LRRC71: variants seen among roughly 807,000 people sequenced by gnomAD.
LRRC71 encodes the protein leucine rich repeat containing 71.
LRRC71 carries 54 observed loss-of-function variants against 66.6 expected under a neutral mutation model. That is an observed-to-expected ratio of 0.81 (90% CI 0.65 to 1.02). The LOEUF is 1.02. Ranked by LOEUF, LRRC71 falls within the 50% of genes least tolerant of loss-of-function variation. LRRC71 has a pLI of 0.00. For synonymous variants in LRRC71, 323 were observed against 303.9 expected, an observed-to-expected ratio of 1.06 and a Z score of -0.65; for missense variants, 724 against 718.0, an observed-to-expected ratio of 1.01 and a Z score of -0.10.
chr1:156,927,140 G>C, intron 5 of LRRC71, 62 bp from the exon 6 acceptor site: 5 of 1,467,506 alleles, frequency 3.4e-6, no homozygotes, highest in Non-Finnish European at 4.7e-6. Flanking sequence ...CTTCCTCTCT[G>C]TTCCCTTCCC....
intron 1 of LRRC71, among the ~76,000 whole-genome samples, chr1:156,923,167 C>T (rs1476428889): frequency 2.0e-5 from 3 of 152,220 alleles, no homozygotes; most frequent in Non-Finnish European, 4.4e-5. Flanking sequence ...TGGCACAGCT[C>T]CTGCAGCACC....
At chr1:156,924,375 G>T in intron 2 of LRRC71, 49 bp from the exon 3 acceptor site, 1 of 1,530,772 alleles carries the variant, frequency 6.5e-7, no homozygotes. Flanking sequence ...GGCCCGGCGT[G>T]GGGCCCTGGA....
chr1:156,936,882 G>A (rs371571688), downstream of LRRC71: 4 of 1,614,052 alleles, frequency 2.5e-6, no homozygotes, highest in Non-Finnish European at 2.5e-6. Context: ...TCCTTAGCGG[G>A]AGGTGAGAGG....
At chr1:156,930,718 C>G in intron 12 of LRRC71, 101 bp downstream of exon 12, 1 of 1,109,114 alleles carries the variant, frequency 9.0e-7, no homozygotes, top group Non-Finnish European at 1.3e-6. Flanking sequence ...GGTCTCCAGC[C>G]CCATGCTGTG....
chr1:156,932,655 T>C, intron 14 of LRRC71, 110 bp downstream of exon 14: 2 of 1,609,732 alleles, frequency 1.2e-6, no homozygotes, highest in Non-Finnish European at 8.5e-7. Flanking sequence ...GGAAGGTCTG[T>C]AGTTTCTCTG....
Position 156,927,126 on chromosome 1 carries a change from C to A in LRRC71, c.594-76C>A, listed in dbSNP as rs1178829185. On this transcript the variant is annotated intron_variant, in intron 5 of 14. Transcript: ENST00000337428. ...ACTTCCTAGCTGCTTCCCAGAGACG[C>A]ACACTTCCTCTCTGTTCCCTTCCCT... The A allele has an allele frequency of 4.6e-6, 6 of 1,302,812 alleles. No individual in the cohort carries two copies. The African/African-American group carries it at 5.9e-5, about 13-fold the overall frequency. The allele number at this position is 1,302,812 out of a possible 1,614,324, so 80.7% of individuals were successfully genotyped here. A position where few individuals can be genotyped will look rare whatever the true frequency, so the allele number is the denominator to read the frequency against.
chr1:156,927,039 AT>A, intron 5 of LRRC71, 162 bp from the exon 6 acceptor site: 1 of 670,540 alleles, frequency 1.5e-6, no homozygotes, highest in Non-Finnish European at 2.5e-6. Context: ...ACATCTGTGA[AT>A]TTTTAGTCTG....
chr1:156,936,480 GAAAAA>G (rs35863393), downstream of LRRC71, among the ~76,000 whole-genome samples: 28 of 48,016 alleles, frequency 5.8e-4, no homozygotes, highest in African/African-American at 2.3e-3. Context: ...CAAATAAATA[GAAAAA>G]AAAAAAAAAA....
chr1:156,920,998 C>G lies in LRRC71; in HGVS notation c.160+35C>G. On this transcript the variant is annotated intron_variant, in intron 1 of 14. Coordinates refer to ENST00000337428, the MANE Select transcript of LRRC71 (RefSeq NM_144702.3). The surrounding 1 kb of genome is among the most constrained non-coding windows in gnomAD (Gnocchi z 4.9). ...CGCCGGGGTTTGGGGATCGGGCTTCCAGGCTGCGTCTTCCCGGGTTCCCAC... is the reference window on the plus strand; with the variant it reads ...CGCCGGGGTTTGGGGATCGGGCTTCGAGGCTGCGTCTTCCCGGGTTCCCAC... 1 of 1,467,020 alleles carries G rather than the reference C, an allele frequency of 6.8e-7. No homozygotes were observed. The highest frequency in any genetic ancestry group is 9.1e-7 in the Non-Finnish European group (1 of 1,102,910). 90.9% of individuals were successfully genotyped at this position (1,467,020 alleles called of 1,614,324 possible).
At chr1:156,936,441 G>A (rs1209221591), downstream of LRRC71, among the ~76,000 whole-genome samples, 9 of 138,682 alleles carry the variant, frequency 6.5e-5, no homozygotes, top group Non-Finnish European at 1.4e-4. Context: ...AGACCAGCCT[G>A]GGCAACATAG....
intron 9 of LRRC71, among the ~76,000 whole-genome samples, chr1:156,928,822 C>T (rs1404200998): frequency 1.3e-5 from 2 of 152,016 alleles, no homozygotes; most frequent in African/African-American, 4.8e-5. Flanking sequence ...CCGCCCACCT[C>T]GGCCTCCTAA....
At chr1:156,930,242 GCCA>G (rs1246816036) in intron 11 of LRRC71, among the ~76,000 whole-genome samples, 5 of 151,602 alleles carry the variant, frequency 3.3e-5, no homozygotes, top group African/African-American at 1.2e-4. Flanking sequence ...ACAGGTGCGT[GCCA>G]CCACGCCCAG....
intron 12 of LRRC71, among the ~76,000 whole-genome samples, chr1:156,931,372 G>GAAAC (rs1654341075): frequency 6.6e-6 from 1 of 152,154 alleles, no homozygotes; most frequent in Non-Finnish European, 1.5e-5. Flanking sequence ...GAAGAGATTG[G>GAAAC]GGTTGCCTTT....
chr1:156,928,073 G>T, intron 9 of LRRC71, 69 bp downstream of exon 9: 2 of 1,435,712 alleles, frequency 1.4e-6, no homozygotes, highest in South Asian at 1.2e-5. Context: ...CCCCAAGTCC[G>T]CTGCTTTTCA....
chr1:156,927,359 C>T lies in LRRC71; in HGVS notation c.662+89C>T, dbSNP rs540967064. On this transcript the variant is annotated intron_variant, in intron 6 of 14. Coordinates refer to ENST00000337428, the MANE Select transcript of LRRC71 (RefSeq NM_144702.3). ...TCCCCGCCCTTCCTTGTCCCCCTAC[C>T]ATCTCGGCAAGGGCCCTCGATTTCT... The T allele has an allele frequency of 8.4e-6, 13 of 1,544,696 alleles. No homozygotes were observed. In the East Asian group the frequency reaches 2.5e-4, roughly 30 times the overall value.
At chr1:156,921,391 T>C (rs1044761818) in intron 1 of LRRC71, among the ~76,000 whole-genome samples, 2 of 152,224 alleles carry the variant, frequency 1.3e-5, no homozygotes, top group South Asian at 2.1e-4. Flanking sequence ...AGTAGAATGG[T>C]ATAAGTAGAG....
At chr1:156,940,013 C>A in the LRRC71 span, 2 of 1,534,934 alleles carry the variant, frequency 1.3e-6, no homozygotes, top group South Asian at 1.2e-5. Context: ...ACCTCAGGCA[C>A]AGGTGAAGCT....
At chr1:156,936,195 A>C, downstream of LRRC71, 1 of 948,380 alleles carries the variant, frequency 1.1e-6, no homozygotes, top group Non-Finnish European at 1.7e-6. Context: ...AGTTTCTCGT[A>C]GGGCTTGAAA....
In LRRC71 at chr1:156,927,935, G is replaced by A; in HGVS notation, c.927G>A (p.Leu309=). 6.2e-7 allele frequency: 1 copy of A among 1,612,094 alleles called. No individual in the cohort carries two copies. Among genetic ancestry groups the A allele is most frequent in the Non-Finnish European group, 8.5e-7 (1 of 1,179,316 alleles). ...KLAEVLRAFE[L]THTEVVERRR... is the part of the protein sequence containing the mutation. Reference sequence around the variant, plus strand: ...TTCAGGTCCTGCGCGCCTTCGAGCTGACACACACCGAAGTGGTGGAGCGCC... The same window carrying A: ...TTCAGGTCCTGCGCGCCTTCGAGCTAACACACACCGAAGTGGTGGAGCGCC... The change falls in exon 9 of 15, where the codon CTG becomes CTA. Residue 309 remains leucine (L), a synonymous_variant. Transcript: ENST00000337428.
Sources: allele counts gnomAD v4.1 joint callset (sites outside exome capture counted in the v4.1 genomes callset), GRCh38; gene constraint gnomAD v4.1.1; non-coding constraint Gnocchi (gnomAD v3.1); transcripts MANE v1.5; gene names NCBI Gene and HGNC (gene_info 2026-07-23, HGNC 2026-07-21).